Variants in NAV2 observed in about 807,000 individuals in gnomAD.
The protein encoded by NAV2 is helicase, APC down-regulated 1.
A neutral mutation model predicts 223.2 loss-of-function variants in NAV2; 54 were observed. The ratio of observed to expected loss-of-function variants is 0.24; its 90% CI spans 0.19 to 0.30. NAV2 has a LOEUF of 0.30. NAV2 is among the 10% of genes least tolerant of loss of function. The pLI, the probability that NAV2 is intolerant of heterozygous loss-of-function variation, is 1.00. For synonymous variants in NAV2, 1,279 were observed against 1,239.3 expected (o/e 1.03, Z -0.67); for missense variants, 2,806 against 3,147.5 (o/e 0.89, Z 2.60).
At position 20,083,139 on chromosome 11, in the gene NAV2, G is replaced by A. The variant is rs1274084939; in HGVS notation, c.5458G>A (p.Gly1820Ser). The change falls in exon 26 of 38, where the codon GGT becomes AGT. Residue 1820 changes from glycine (G) to serine (S), a missense_variant. Gly to Ser is a moderately conservative substitution (Grantham distance 56, BLOSUM62 0). Around this residue, in one of 4 missense-constraint regions of NAV2, gnomAD observed 824 missense variants for 1,069.4 expected, o/e 0.77. Transcript: ENST00000349880. ...AAAGTTACCGCACAATGGGTCCACAGGTTCCACCCCACTGCTGAGGAATTC... is the reference window on the plus strand; with the variant it reads ...AAAGTTACCGCACAATGGGTCCACAAGTTCCACCCCACTGCTGAGGAATTC... ...SPKLPHNGST[G>S]STPLLRNSHS... The A allele has an allele frequency of 1.2e-6, 2 of 1,613,994 alleles. No individual in the cohort carries two copies. The highest frequency in any genetic ancestry group is 1.7e-6 in the Non-Finnish European group (2 of 1,179,944).
At chr11:20,062,895 A>G (rs1174137282) in intron 20 of NAV2, among the ~76,000 whole-genome samples, 2 of 152,140 alleles carry the variant, frequency 1.3e-5, no homozygotes, top group Non-Finnish European at 2.9e-5. Context: ...GAGTTTCACC[A>G]TATTGGCCAG....
Position 19,933,848 on chromosome 11 carries a change from A to T in NAV2, c.1604A>T (p.Lys535Met). The T allele has an allele frequency of 6.2e-7, 1 of 1,607,276 alleles. No homozygotes were observed. The highest frequency in any genetic ancestry group is 8.5e-7 in the Non-Finnish European group (1 of 1,177,946). The change falls in exon 7 of 38, where the codon AAG (lysine) becomes ATG (methionine). Residue 535 changes from lysine to methionine, a missense_variant. Physicochemically the swap from Lys to Met is moderately conservative, Grantham distance 95. Around this residue, in one of 4 missense-constraint regions of NAV2, gnomAD observed 1,167 missense variants for 1,180.5 expected, o/e 0.99. Coordinates refer to ENST00000349880, the MANE Select transcript of NAV2 (RefSeq NM_145117.5). This position sits in a 1 kb window ranked among gnomAD's most constrained non-coding sequence, Gnocchi z 4.3. ...SGAAVPEMPK[K>M]SSKIASFIPK... ...GCAGCTGTGCCCGAGATGCCAAAAA[A>T]GTCCTCCAAGATTGCCAGCTTCATC...
At chr11:19,681,448 TG>T (rs141623996) in intron 1 of NAV2, among the ~76,000 whole-genome samples, 3,167 of 152,278 alleles carry the variant, frequency 0.021, 107 homozygotes, top group African/African-American at 0.062. Context: ...CTCTGCAATT[TG>T]GGGGTAATTG....
At chr11:19,734,482 T>A (rs2052095963) in intron 1 of NAV2, among the ~76,000 whole-genome samples, 2 of 152,254 alleles carry the variant, frequency 1.3e-5, no homozygotes, top group South Asian at 4.1e-4. Flanking sequence ...CCACCCAGGG[T>A]CTCTTTTCCT....
chr11:19,659,752 AGTTT>A (rs2135720664), intron 1 of NAV2, among the ~76,000 whole-genome samples: 1 of 152,230 alleles, frequency 6.6e-6, no homozygotes, highest in South Asian at 2.1e-4. Context: ...AGAATTCCTG[AGTTT>A]CAATCCTAAC....
intron 1 of NAV2, among the ~76,000 whole-genome samples, chr11:19,744,513 T>G (rs955040655): frequency 3.9e-5 from 6 of 152,170 alleles, no homozygotes; most frequent in African/African-American, 1.4e-4. Context: ...CATAATTAGT[T>G]CTCTGCTTAT....
intron 1 of NAV2, among the ~76,000 whole-genome samples, chr11:19,467,018 C>CACACAGAGAG (rs982297137): frequency 6.1e-5 from 5 of 82,350 alleles, no homozygotes; most frequent in African/African-American, 2.0e-4. Flanking sequence ...CACACACACA[C>CACACAGAGAG]AGAGAGAGAG....
chr11:19,921,264 A>G (rs2044253712), intron 6 of NAV2, among the ~76,000 whole-genome samples: 1 of 152,200 alleles, frequency 6.6e-6, no homozygotes, highest in South Asian at 2.1e-4. Flanking sequence ...GCATAATACA[A>G]TCATAGAGAG....
At chr11:19,560,202 A>G (rs1171132633) in intron 1 of NAV2, among the ~76,000 whole-genome samples, 1 of 152,188 alleles carries the variant, frequency 6.6e-6, no homozygotes, top group Non-Finnish European at 1.5e-5. Context: ...TCCACTTAAA[A>G]AGAGAAAAAA....
At chr11:19,963,350 T>A (rs578171743) in intron 10 of NAV2, among the ~76,000 whole-genome samples, 31 of 152,316 alleles carry the variant, frequency 2.0e-4, no homozygotes, top group African/African-American at 5.5e-4. Context: ...AAGCAAGCAT[T>A]CAGCCAGGCT....
At chr11:19,975,390 G>A (rs557396639) in intron 10 of NAV2, among the ~76,000 whole-genome samples, 5 of 152,252 alleles carry the variant, frequency 3.3e-5, no homozygotes, top group Middle Eastern at 3.4e-3. Context: ...TTTGTGCATC[G>A]GAGTATGTAT....
intron 3 of NAV2, among the ~76,000 whole-genome samples, chr11:19,862,988 G>A (rs1471419019): frequency 6.6e-6 from 1 of 152,108 alleles, no homozygotes; most frequent in East Asian, 1.9e-4. Context: ...CTTAGATATG[G>A]AACAGACATT....
rs115614445 is a variant in NAV2, at chr11:19,542,933, G to T, written c.75+191906G>T. On this transcript the variant is annotated intron_variant, in intron 1 of 37. Transcript: ENST00000360655. ...ACCAGGACCACAGAGGAGAAGGCAGGTTCCCTGATCAGGGATGAAGCCCGT... is the reference window on the plus strand; with the variant it reads ...ACCAGGACCACAGAGGAGAAGGCAGTTTCCCTGATCAGGGATGAAGCCCGT... Among the ~76,000 whole-genome samples, 668 of 152,326 alleles carry T rather than the reference G, an allele frequency of 4.4e-3. 8 individuals are homozygous for T. The highest frequency in any genetic ancestry group is 0.015 in the African/African-American group (644 of 41,564).
Position 20,078,034 on chromosome 11 carries a change from A to G in NAV2, c.5109A>G (p.Leu1703=), listed in dbSNP as rs576429995. 5.6e-6 allele frequency: 9 copies of G among 1,613,162 alleles called. No individual in the cohort carries two copies. The highest frequency in any genetic ancestry group is 5.3e-5 in the African/African-American group (4 of 74,980). ...LNELRKTIEL[L]KKQNAAAQAA... The stretch of plus-strand genomic sequence containing the variant: ...AGTTAAGAAAAACCATTGAGCTGCT[A>G]AAGAAACAGAACGCAGCTGCCCAGG... The change falls in exon 24 of 38, where the codon CTA becomes CTG. Residue 1703 remains leucine, a synonymous_variant. Transcript: ENST00000349880.
At chr11:19,832,444 C>T (rs754376513) in intron 1 of NAV2, 40 bp from the exon 2 acceptor site, 76 of 1,530,754 alleles carry the variant, frequency 5.0e-5, no homozygotes, top group South Asian at 2.0e-4. Context: ...AGAGGGGATC[C>T]GACTGGCTTC....
chr11:19,422,161 C>G (rs183467885), intron 1 of NAV2, among the ~76,000 whole-genome samples: 1 of 152,302 alleles, frequency 6.6e-6, no homozygotes, highest in African/African-American at 2.4e-5. Flanking sequence ...CTAGCCCATG[C>G]TCTTTCTCTG....
At chr11:19,825,843 A>G (rs917181034) in intron 1 of NAV2, among the ~76,000 whole-genome samples, 4 of 152,364 alleles carry the variant, frequency 2.6e-5, no homozygotes, top group East Asian at 3.9e-4. Context: ...TGGAGTTATA[A>G]GCAAACAAAT....
chr11:19,883,965 C>T (rs767368367), intron 5 of NAV2, among the ~76,000 whole-genome samples: 2 of 152,186 alleles, frequency 1.3e-5, no homozygotes, highest in Non-Finnish European at 2.9e-5. Context: ...TTTAGAAAGG[C>T]ATAAAGTTTG....
intron 1 of NAV2, among the ~76,000 whole-genome samples, chr11:19,652,721 C>T (rs1445408217): frequency 6.6e-6 from 1 of 152,222 alleles, no homozygotes. Context: ...GTTTGGTGTG[C>T]AGCTTATGCA....
Sources: allele counts gnomAD v4.1 joint callset (sites outside exome capture counted in the v4.1 genomes callset), GRCh38; gene constraint gnomAD v4.1.1; regional missense constraint gnomAD v4.1.1; non-coding constraint Gnocchi (gnomAD v3.1); transcripts MANE v1.5; gene names NCBI Gene and HGNC (gene_info 2026-07-23, HGNC 2026-07-21).